DACH2: variants seen among roughly 807,000 people sequenced by gnomAD.
DACH2 encodes the protein dachshund homolog 2.
In DACH2, 17 loss-of-function variants were observed where a neutral mutation model predicts 35.8. That is an observed-to-expected ratio of 0.48 (90% CI 0.33 to 0.71). The LOEUF (loss-of-function observed/expected upper bound fraction) is 0.71, where lower values mean the gene tolerates loss of function less well. DACH2 is among the 30% of genes least tolerant of loss of function. The probability of loss-of-function intolerance (pLI) is 0.02; values close to 1 mark genes in which losing one functional copy is unlikely to be tolerated. For missense variants in DACH2, 469 were observed against 472.7 expected (o/e 0.99, Z 0.07); for synonymous variants, 195 against 177.3 (o/e 1.10, Z -0.79).
intron 1 of DACH2, among the ~76,000 whole-genome samples, chrX:86,199,867 T>C (rs1026101883): frequency 1.8e-5 from 2 of 112,197 alleles, no homozygotes; most frequent in African/African-American, 6.5e-5. Flanking sequence ...ATGGCCATAC[T>C]GCTCAAAGCA....
chrX:86,167,284 T>G (rs1412231489), intron 1 of DACH2, among the ~76,000 whole-genome samples: 1 of 111,417 alleles, frequency 9.0e-6, no homozygotes, highest in Non-Finnish European at 1.9e-5. Context: ...GTTTCAATCT[T>G]GGTATGTATG....
intron 3 of DACH2, among the ~76,000 whole-genome samples, chrX:86,606,522 C>A (rs1274628041): frequency 9.0e-6 from 1 of 111,177 alleles, no homozygotes; most frequent in Non-Finnish European, 1.9e-5. Context: ...TTATTGATTT[C>A]TAGTTTTCTT....
At chrX:86,763,369 A>T in intron 7 of DACH2, among the ~76,000 whole-genome samples, 1 of 112,793 alleles carries the variant, frequency 8.9e-6, no homozygotes, top group Non-Finnish European at 1.9e-5. Flanking sequence ...ACATGAAAAT[A>T]ATTATACTTT....
chrX:86,237,749 G>T, intron 1 of DACH2, among the ~76,000 whole-genome samples: 1 of 111,914 alleles, frequency 8.9e-6, no homozygotes, highest in East Asian at 2.8e-4. Flanking sequence ...GGCTGCGGTG[G>T]GGTGGGTAGC....
intron 3 of DACH2, among the ~76,000 whole-genome samples, chrX:86,622,844 A>G (rs898006454): frequency 4.5e-5 from 5 of 111,609 alleles, no homozygotes; most frequent in South Asian, 3.8e-4. Context: ...AATTTTCATG[A>G]TATATTAAAG....
intron 1 of DACH2, among the ~76,000 whole-genome samples, chrX:86,316,622 G>A (rs897241243): frequency 1.8e-5 from 2 of 111,490 alleles, no homozygotes; most frequent in African/African-American, 6.5e-5. Context: ...CTGTTAGGGG[G>A]AATTGGGCGA....
chrX:86,824,199 C>T (rs1247227385), intron 11 of DACH2, among the ~76,000 whole-genome samples: 2 of 110,544 alleles, frequency 1.8e-5, no homozygotes, highest in Non-Finnish European at 3.8e-5. Context: ...CCAGAACAGC[C>T]GTTTATAGAC....
intron 4 of DACH2, among the ~76,000 whole-genome samples, chrX:86,678,909 A>C (rs1427321924): frequency 9.0e-6 from 1 of 111,631 alleles, no homozygotes; most frequent in Non-Finnish European, 1.9e-5. Flanking sequence ...TCTTGGTCAG[A>C]AACAGAGAAG....
intron 3 of DACH2, among the ~76,000 whole-genome samples, chrX:86,541,725 C>A (rs1338831592): frequency 9.0e-6 from 1 of 111,468 alleles, no homozygotes; most frequent in Non-Finnish European, 1.9e-5. Context: ...CAATAGTATA[C>A]ATTATCTTAT....
At chrX:86,478,559 TA>T (rs1290460225) in intron 2 of DACH2, among the ~76,000 whole-genome samples, 234 of 105,903 alleles carry the variant, frequency 2.2e-3, no homozygotes, top group African/African-American at 8.0e-3. Flanking sequence ...TTTTTTTTTT[TA>T]TGTCACTATC....
intron 4 of DACH2, among the ~76,000 whole-genome samples, chrX:86,691,126 G>C (rs749321302): frequency 1.1e-3 from 126 of 111,578 alleles, no homozygotes; most frequent in African/African-American, 3.7e-3. Flanking sequence ...GTCATGCCTT[G>C]TTAAAAATGC....
At chrX:86,242,753 T>C (rs60809783) in intron 1 of DACH2, among the ~76,000 whole-genome samples, 1,403 of 111,358 alleles carry the variant, frequency 0.013, 21 homozygotes, top group African/African-American at 0.043. Flanking sequence ...GGGAGGTAAT[T>C]GGATCATGGG....
intron 3 of DACH2, among the ~76,000 whole-genome samples, chrX:86,593,441 T>TTA (rs1569448662): frequency 2.0e-5 from 2 of 101,242 alleles, no homozygotes; most frequent in Admixed American, 2.1e-4. Context: ...TTATTTTATT[T>TTA]TTTGAGACAG....
chrX:86,245,747 A>G (rs928035472), intron 1 of DACH2, among the ~76,000 whole-genome samples: 12 of 111,996 alleles, frequency 1.1e-4, no homozygotes, highest in African/African-American at 3.2e-4. Flanking sequence ...CAGCACATGA[A>G]CTCTGGCAGT....
At chrX:86,409,000 G>A (rs761988417) in intron 2 of DACH2, among the ~76,000 whole-genome samples, 2 of 111,572 alleles carry the variant, frequency 1.8e-5, no homozygotes, top group Admixed American at 1.9e-4. Flanking sequence ...TTTACCACAG[G>A]TCCTTCAAGA....
intron 3 of DACH2, among the ~76,000 whole-genome samples, chrX:86,610,596 C>A (rs995862320): frequency 1.8e-5 from 2 of 108,529 alleles, no homozygotes; most frequent in African/African-American, 6.7e-5. Flanking sequence ...CCACCAAGTG[C>A]AGACCAAGCT....
intron 3 of DACH2, among the ~76,000 whole-genome samples, chrX:86,533,884 T>C (rs1158589859): frequency 1.8e-5 from 2 of 111,231 alleles, no homozygotes; most frequent in African/African-American, 6.5e-5. Flanking sequence ...CATGTGATAT[T>C]TGTGGCTTGT....
chrX:86,750,222 G>A (rs1414178280), intron 7 of DACH2, among the ~76,000 whole-genome samples: 1 of 111,012 alleles, frequency 9.0e-6, no homozygotes, highest in Admixed American at 9.7e-5. Context: ...TATGTGATTG[G>A]TGGGCTTTAT....
intron 1 of DACH2, among the ~76,000 whole-genome samples, chrX:86,334,051 C>T (rs749372220): frequency 6.3e-4 from 70 of 111,729 alleles, no homozygotes; most frequent in Admixed American, 1.9e-3. Flanking sequence ...ATGATGGTTT[C>T]GAGTTTCATC....
Sources: gnomAD v4.1 joint callset for allele counts (sites outside exome capture counted in the v4.1 genomes callset) on GRCh38, gnomAD v4.1.1 for gene constraint, MANE v1.5 for transcripts, NCBI Gene and HGNC (gene_info 2026-07-23, HGNC 2026-07-21) for gene names.